SEMA5A: variants seen among roughly 807,000 people sequenced by gnomAD.
SEMA5A encodes semaphorin-5A.
SEMA5A carries 55 observed loss-of-function variants against 135.5 expected under a neutral mutation model. The ratio of observed to expected loss-of-function variants is 0.41; its 90% confidence interval spans 0.33 to 0.51. The LOEUF (loss-of-function observed/expected upper bound fraction) is 0.51. Among genes scored for constraint, SEMA5A ranks in the 20% least tolerant of loss-of-function variants. The pLI is 0.37. For synonymous variants in SEMA5A, 580 were observed against 546.5 expected, an observed-to-expected ratio of 1.06 and a Z score of -0.85; for missense variants, 1,290 against 1,419.9, an observed-to-expected ratio of 0.91 and a Z score of 1.47.
intron 1 of SEMA5A, among the ~76,000 whole-genome samples, chr5:9,511,110 C>G (rs1261668018): frequency 6.6e-6 from 1 of 152,116 alleles, no homozygotes; most frequent in Non-Finnish European, 1.5e-5. Flanking sequence ...AATTCATATA[C>G]TCATTCAAAC....
rs535649510 is a variant in SEMA5A at position 9,401,500 on chromosome 5, A to G, written c.-77-21477T>C. 2.4e-4 allele frequency among the ~76,000 whole-genome samples: 36 copies of G among 152,300 alleles called. 1 individual carries two copies. In the South Asian group the frequency reaches 7.1e-3, roughly 30 times the overall value. On this transcript the variant is annotated intron_variant, in intron 2 of 22. Transcript: ENST00000382496. ...GACACCTGTGCAATTACAATGACTC[A>G]GCATCCCCGTGTGGTCCTCTTCTCA...
At chr5:9,150,616 C>T (rs928273934) in intron 12 of SEMA5A, among the ~76,000 whole-genome samples, 4 of 152,296 alleles carry the variant, frequency 2.6e-5, no homozygotes, top group Middle Eastern at 3.4e-3. Flanking sequence ...TCACAACACA[C>T]GTGTGGTCAG....
intron 3 of SEMA5A, among the ~76,000 whole-genome samples, chr5:9,352,839 G>T (rs532401697): frequency 7.2e-5 from 11 of 152,144 alleles, no homozygotes; most frequent in African/African-American, 2.4e-4. Flanking sequence ...TCTATGGCTG[G>T]ATTTGTGCTA....
chr5:9,443,349 G>T (rs550310657), intron 1 of SEMA5A, among the ~76,000 whole-genome samples: 3 of 152,030 alleles, frequency 2.0e-5, no homozygotes, highest in Non-Finnish European at 4.4e-5. Flanking sequence ...AGAGAGGGGA[G>T]AGGGGAGGAA....
At chr5:9,115,034 C>G (rs1377676638) in intron 15 of SEMA5A, among the ~76,000 whole-genome samples, 2 of 152,200 alleles carry the variant, frequency 1.3e-5, no homozygotes, top group African/African-American at 4.8e-5. Flanking sequence ...ATCTCAGCAG[C>G]ACCCCAAGGT....
chr5:9,481,020 A>C (rs1173179578), intron 1 of SEMA5A, among the ~76,000 whole-genome samples: 2 of 152,054 alleles, frequency 1.3e-5, no homozygotes, highest in East Asian at 3.9e-4. Context: ...ATCTTGGCTC[A>C]CTGCAACCTC....
At chr5:9,245,600 G>T (rs1255071940) in intron 5 of SEMA5A, among the ~76,000 whole-genome samples, 1 of 152,116 alleles carries the variant, frequency 6.6e-6, no homozygotes, top group Non-Finnish European at 1.5e-5. Context: ...AGTACAAATT[G>T]AAATGACAGC....
intron 5 of SEMA5A, among the ~76,000 whole-genome samples, chr5:9,299,599 T>C (rs1482168403): frequency 6.6e-6 from 1 of 152,154 alleles, no homozygotes; most frequent in Non-Finnish European, 1.5e-5. Flanking sequence ...CAAGTCAACC[T>C]TGCCAGCGTT....
At chr5:9,509,159 A>G (rs201547274) in intron 1 of SEMA5A, among the ~76,000 whole-genome samples, 1 of 152,000 alleles carries the variant, frequency 6.6e-6, no homozygotes, top group African/African-American at 2.4e-5. Flanking sequence ...GGTGAAGAAA[A>G]GAGCAGGATG....
chr5:9,221,215 G>A (rs556984714), intron 8 of SEMA5A, among the ~76,000 whole-genome samples: 11 of 152,036 alleles, frequency 7.2e-5, no homozygotes, highest in Non-Finnish European at 1.5e-4. Context: ...TCTTGGACAC[G>A]GCAGAACTAA....
intron 16 of SEMA5A, among the ~76,000 whole-genome samples, chr5:9,075,393 A>C (rs1561127542): frequency 7.3e-6 from 1 of 137,676 alleles, no homozygotes. Context: ...CAAAAGCTTT[A>C]ATTGTAATAG....
chr5:9,472,440 T>A (rs1579596624), intron 1 of SEMA5A, among the ~76,000 whole-genome samples: 1 of 152,208 alleles, frequency 6.6e-6, no homozygotes, highest in South Asian at 2.1e-4. Context: ...ACTTCCTGCC[T>A]TGTGTTGAAA....
At chr5:9,203,977 G>A (rs756021362) in intron 8 of SEMA5A, among the ~76,000 whole-genome samples, 2 of 151,552 alleles carry the variant, frequency 1.3e-5, no homozygotes, top group Admixed American at 6.6e-5. Context: ...ACTGGGTGGT[G>A]GGTGGGGGGG....
At chr5:9,156,221 A>C (rs1264122826) in intron 11 of SEMA5A, among the ~76,000 whole-genome samples, 1 of 152,220 alleles carries the variant, frequency 6.6e-6, no homozygotes, top group Non-Finnish European at 1.5e-5. Context: ...TTAATTCTAT[A>C]ATTCAAATTA....
chr5:9,402,623 A>AC (rs1213568428), intron 2 of SEMA5A, among the ~76,000 whole-genome samples: 4 of 152,038 alleles, frequency 2.6e-5, no homozygotes, highest in Admixed American at 6.6e-5. Context: ...GGTACCATCT[A>AC]CTCATCAAGG....
At chr5:9,157,227 C>T (rs919441463) in intron 11 of SEMA5A, among the ~76,000 whole-genome samples, 5 of 152,222 alleles carry the variant, frequency 3.3e-5, no homozygotes, top group African/African-American at 1.2e-4. Context: ...CTGTGCCCTG[C>T]CCTTGTTCTG....
intron 9 of SEMA5A, among the ~76,000 whole-genome samples, chr5:9,199,115 G>A (rs1345404787): frequency 6.6e-6 from 1 of 152,028 alleles, no homozygotes; most frequent in Non-Finnish European, 1.5e-5. Context: ...CAGCTTCCAG[G>A]TAAAGGAAGA....
intron 1 of SEMA5A, among the ~76,000 whole-genome samples, chr5:9,541,004 A>T (rs10069539): frequency 7.2e-4 from 110 of 152,318 alleles, no homozygotes; most frequent in African/African-American, 2.5e-3. Flanking sequence ...ACTGCTTAGC[A>T]AATTTTTTCT....
intron 18 of SEMA5A, among the ~76,000 whole-genome samples, chr5:9,062,372 A>C (rs1228090466): frequency 2.0e-5 from 3 of 152,198 alleles, no homozygotes; most frequent in African/African-American, 7.2e-5. Flanking sequence ...ATTTGGTTTC[A>C]GGTCTGCTGG....
Sources: allele counts gnomAD v4.1 joint callset (sites outside exome capture counted in the v4.1 genomes callset), GRCh38; gene constraint gnomAD v4.1.1; transcripts MANE v1.5; gene names NCBI Gene and HGNC (gene_info 2026-07-23, HGNC 2026-07-21).